Variants in SMIM7 observed in about 807,000 individuals in gnomAD.
SMIM7 encodes small integral membrane protein 7.
A neutral mutation model predicts 13.3 loss-of-function variants in SMIM7; 12 were observed. The ratio of observed to expected loss-of-function variants is 0.90; its 90% CI spans 0.58 to 1.46. SMIM7 has a LOEUF of 1.46. SMIM7 is among the 40% of genes most tolerant of loss of function. The pLI is 0.00. For synonymous variants in SMIM7, 36 were observed against 35.8 expected (o/e 1.01, Z -0.02); for missense variants, 114 against 94.8 (o/e 1.20, Z -0.84).
At chr19:16,637,018 G>A (rs1172699965) in intron 4 of SMIM7, among the ~76,000 whole-genome samples, 1 of 152,190 alleles carries the variant, frequency 6.6e-6, no homozygotes, top group African/African-American at 2.4e-5. Context: ...TTTAAGATGT[G>A]GCACTGCCCA....
chr19:16,642,823 C>CTTT (rs11323250), downstream of SMIM7, among the ~76,000 whole-genome samples: 2 of 133,520 alleles, frequency 1.5e-5, no homozygotes, highest in Admixed American at 7.6e-5. Flanking sequence ...GAGACCTTAT[C>CTTT]TTTTTTTTTT....
chr19:16,651,186 T>C (rs1404628034), intron 4 of SMIM7, among the ~76,000 whole-genome samples: 3 of 152,180 alleles, frequency 2.0e-5, no homozygotes, highest in African/African-American at 7.2e-5. Context: ...TGGCCCCCAG[T>C]GAAAGAGTTG....
rs199776874 is a variant in SMIM7 at position 16,649,925 on chromosome 19, CCA to C, written c.213-2666_213-2665del. On this transcript the variant is annotated intron_variant, in intron 4 of 4. Transcript: ENST00000487416. ...TATAAACTGTCCACATGAGGCAAAT[CCA>C]CAGAGACAGGAAGCCGACGAGTGGT... Among the ~76,000 whole-genome samples, 1,466 of 152,210 alleles carry C rather than the reference CCA, an allele frequency of 9.6e-3. 16 individuals carry two copies. Among genetic ancestry groups the C allele is most frequent in the Middle Eastern group, 0.031 (9 of 294 alleles).
At chr19:16,634,126 A>G (rs914683227) in intron 4 of SMIM7, 5 of 152,302 alleles carry the variant, frequency 3.3e-5, no homozygotes, top group Admixed American at 2.6e-4. Flanking sequence ...GCAGACTAAT[A>G]GATTCAGATA....
At position 16,639,015 on chromosome 19, in the gene SMIM7, T is replaced by G. The variant is rs201806825; in HGVS notation, c.*138-7291A>C. 5 of 152,116 alleles carry G rather than the reference T, an allele frequency of 3.3e-5. No homozygotes were observed. The East Asian group carries it at 9.6e-4, about 29-fold the overall frequency. The allele number at this position is 152,116 out of a possible 1,614,324, so 9.4% of individuals were successfully genotyped here. A position where few individuals can be genotyped will look rare whatever the true frequency, so the allele number is the denominator to read the frequency against. On this transcript the variant is annotated intron_variant and NMD_transcript_variant, in intron 4 of 4. Coordinates refer to the SMIM7 transcript ENST00000465250. Reference sequence around the variant, plus strand: ...TTCCCCTAACATTTCCACAGTTCCCTTGGCACAGTCCACACTCTTTTGCCT... The same window carrying G: ...TTCCCCTAACATTTCCACAGTTCCCGTGGCACAGTCCACACTCTTTTGCCT...
chr19:16,659,479 A>T, intron 2 of SMIM7, 32 bp from the exon 3 acceptor site: 1 of 1,604,634 alleles, frequency 6.2e-7, no homozygotes, highest in Non-Finnish European at 8.5e-7. Context: ...GTCCACTTTC[A>T]ATGGGACATA....
chr19:16,637,213 TC>T (rs2086366922), intron 4 of SMIM7, among the ~76,000 whole-genome samples: 1 of 152,084 alleles, frequency 6.6e-6, no homozygotes, highest in Admixed American at 6.6e-5. Context: ...ACCAGGGAGC[TC>T]CTTAGGAACA....
At chr19:16,633,234 A>G (rs2086334798) in intron 4 of SMIM7, among the ~76,000 whole-genome samples, 2 of 151,736 alleles carry the variant, frequency 1.3e-5, no homozygotes, top group Non-Finnish European at 2.9e-5. Flanking sequence ...AAGTGGATGG[A>G]TCACCTGAGG....
chr19:16,641,785 G>T (rs562276926), downstream of SMIM7, among the ~76,000 whole-genome samples: 2 of 152,298 alleles, frequency 1.3e-5, no homozygotes, highest in South Asian at 4.1e-4. Context: ...TTTTAGTAGA[G>T]AAAGGATTTT....
intron 4 of SMIM7, among the ~76,000 whole-genome samples, chr19:16,651,473 C>T (rs1382518309): frequency 3.3e-5 from 5 of 152,220 alleles, no homozygotes; most frequent in Non-Finnish European, 5.9e-5. Flanking sequence ...GTCAATCAGA[C>T]TCTGCCCCAG....
chr19:16,657,524 AC>A (rs1159068481), intron 3 of SMIM7, among the ~76,000 whole-genome samples: 1 of 152,002 alleles, frequency 6.6e-6, no homozygotes, highest in African/African-American at 2.4e-5. Flanking sequence ...AGTCAGAAAA[AC>A]CCAGGTTCTA....
rs528428657 is a variant in SMIM7 at position 16,636,945 on chromosome 19, C to T, written c.*138-5221G>A. ...TCCAGCTTCAGCTACAGAGCAAGAC[C>T]CTGTCTCTAAAAATATAAAGAAAGA... On this transcript the variant is annotated intron_variant and NMD_transcript_variant, in intron 4 of 4. Transcript: ENST00000465250. 2.2e-3 allele frequency among the ~76,000 whole-genome samples: 341 copies of T among 152,208 alleles called. 1 individual carries two copies. The Middle Eastern group carries it at 0.024, about 11-fold the overall frequency.
At chr19:16,656,287 C>G (rs974716978) in intron 3 of SMIM7, among the ~76,000 whole-genome samples, 1 of 152,186 alleles carries the variant, frequency 6.6e-6, no homozygotes. Context: ...CCTCGGGAGG[C>G]TGAGGCACGA....
chr19:16,650,550 A>T (rs565278446), intron 4 of SMIM7, among the ~76,000 whole-genome samples: 2 of 152,234 alleles, frequency 1.3e-5, no homozygotes, highest in African/African-American at 4.8e-5. Context: ...TCTCTACCAA[A>T]AATAGAAAAA....
rs2086641062 is a variant in SMIM7 at position 16,659,384 on chromosome 19, T to G, written c.121+11A>C. Reference sequence around the variant, plus strand: ...TGGACCATGCAATTCCAGGATCCAATTAGACCTTACCTGTGCTGGGCTCCC... The same window carrying G: ...TGGACCATGCAATTCCAGGATCCAAGTAGACCTTACCTGTGCTGGGCTCCC... On this transcript the variant is annotated intron_variant, in intron 3 of 4. Coordinates refer to ENST00000487416, the MANE Select transcript of SMIM7 (RefSeq NM_024104.4). 2 of 1,613,198 alleles carry G rather than the reference T, an allele frequency of 1.2e-6. No homozygotes were observed. The highest frequency in any genetic ancestry group is 1.7e-5 in the Admixed American group (1 of 59,926).
intron 3 of SMIM7, among the ~76,000 whole-genome samples, chr19:16,655,034 C>T (rs1406374665): frequency 6.6e-6 from 1 of 152,134 alleles, no homozygotes; most frequent in Non-Finnish European, 1.5e-5. Flanking sequence ...GATACTGACT[C>T]TAACCCTAAC....
intron 4 of SMIM7, among the ~76,000 whole-genome samples, chr19:16,648,435 C>T (rs2086477588): frequency 6.6e-6 from 1 of 152,156 alleles, no homozygotes; most frequent in East Asian, 1.9e-4. Context: ...GCCACCATGC[C>T]TGGCCATTCA....
chr19:16,651,572 G>A (rs188881588), intron 4 of SMIM7, among the ~76,000 whole-genome samples: 1 of 152,210 alleles, frequency 6.6e-6, no homozygotes. Context: ...TCTGGTCACA[G>A]ACTAGCAGAT....
chr19:16,656,371 G>A (rs568839436), intron 3 of SMIM7, among the ~76,000 whole-genome samples: 6 of 152,174 alleles, frequency 3.9e-5, no homozygotes, highest in African/African-American at 1.2e-4. Flanking sequence ...GCAACAGAGT[G>A]AGACTCTGTC....
Sources: allele counts gnomAD v4.1 joint callset (sites outside exome capture counted in the v4.1 genomes callset), GRCh38; gene constraint gnomAD v4.1.1; transcripts MANE v1.5; gene names NCBI Gene and HGNC (gene_info 2026-07-23, HGNC 2026-07-21).